HTRA3: variants seen among roughly 807,000 people sequenced by gnomAD.
HTRA3 encodes serine protease HTRA3.
In HTRA3, 41 loss-of-function variants were observed where a neutral mutation model predicts 43.2. That is an observed-to-expected ratio of 0.95 (90% CI 0.74 to 1.23). HTRA3 has a LOEUF of 1.23. Among genes scored for constraint, HTRA3 ranks in the 50% most tolerant of loss-of-function variants. The pLI is 0.00. For missense variants in HTRA3, 628 were observed against 647.1 expected, an observed-to-expected ratio of 0.97 and a Z score of 0.32; for synonymous variants, 295 against 287.9, an observed-to-expected ratio of 1.02 and a Z score of -0.25.
At position 8,295,823 on chromosome 4, in the gene HTRA3, G is replaced by A. The variant is rs1278535536; in HGVS notation, c.1051+1622G>A. On this transcript the variant is annotated intron_variant, in intron 6 of 8. Transcript: ENST00000307358. The surrounding 1 kb of genome is among the most constrained non-coding windows in gnomAD (Gnocchi z 6.9). ...GTGCCATGAGGGCTGGTCACATGAA[G>A]AGCTGCTGTTGAGGATGCCGCCATT... The A allele has an allele frequency of 8.0e-7, 1 of 1,242,850 alleles. No individual in the cohort carries two copies. Among genetic ancestry groups the A allele is most frequent in the Non-Finnish European group, 1.0e-6 (1 of 992,114 alleles). The allele number at this position is 1,242,850 out of a possible 1,614,324, so 77.0% of individuals were successfully genotyped here.
chr4:8,291,618 A>G, intron 4 of HTRA3, 54 bp downstream of exon 4: 1 of 1,347,542 alleles, frequency 7.4e-7, no homozygotes, highest in Non-Finnish European at 1.0e-6. Flanking sequence ...CCAAGACCTC[A>G]ACCTCGAGGT....
At chr4:8,272,641 C>A (rs1040581467) in intron 1 of HTRA3, among the ~76,000 whole-genome samples, 5 of 152,224 alleles carry the variant, frequency 3.3e-5, no homozygotes, top group African/African-American at 1.2e-4. Flanking sequence ...ATCTGTCTCA[C>A]CCAGCAAGGT....
chr4:8,300,379 A>G (rs1050637403), intron 6 of HTRA3, among the ~76,000 whole-genome samples: 15 of 152,034 alleles, frequency 9.9e-5, no homozygotes, highest in Non-Finnish European at 2.2e-4. Context: ...TTTTTTTTGT[A>G]GGAAGATTTT....
intron 6 of HTRA3, among the ~76,000 whole-genome samples, chr4:8,301,262 T>G (rs62286503): frequency 2.4e-5 from 3 of 123,224 alleles, no homozygotes; most frequent in South Asian, 2.9e-4. Context: ...GCTTTATTGA[T>G]TCACACTCAT....
rs1478378971 is a variant in HTRA3 at position 8,286,479 on chromosome 4, G to T, written c.486-82G>T. 1.8e-6 allele frequency: 2 copies of T among 1,125,498 alleles called. No homozygotes were observed. The highest frequency in any genetic ancestry group is 1.3e-6 in the Non-Finnish European group (1 of 751,060). The allele number at this position is 1,125,498 out of a possible 1,614,324, so 69.7% of individuals were successfully genotyped here. A position where few individuals can be genotyped will look rare whatever the true frequency, so the allele number is the denominator to read the frequency against. ...CAGCCACACACTGGCTCTGCTCCTCGCTGACCAGCCCCACCACTGCGCCTG... is the reference window on the plus strand; with the variant it reads ...CAGCCACACACTGGCTCTGCTCCTCTCTGACCAGCCCCACCACTGCGCCTG... On this transcript the variant is annotated intron_variant, in intron 2 of 8. Coordinates refer to ENST00000307358, the MANE Select transcript of HTRA3 (RefSeq NM_053044.5). This position sits in a 1 kb window ranked among gnomAD's most constrained non-coding sequence, Gnocchi z 4.9.
chr4:8,288,949 T>TCCCC (rs1560138887), intron 3 of HTRA3, among the ~76,000 whole-genome samples: 40 of 117,740 alleles, frequency 3.4e-4, no homozygotes, highest in African/African-American at 1.3e-3. Flanking sequence ...TTCCTCCCCC[T>TCCCC]CTCTCTCTCT....
rs1159295204 is a variant in HTRA3, at chr4:8,270,102, C to T, written c.134C>T (p.Pro45Leu). 4 of 1,539,914 alleles carry T rather than the reference C, an allele frequency of 2.6e-6. No individual in the cohort carries two copies. Among genetic ancestry groups the T allele is most frequent in the South Asian group, 2.4e-5 (2 of 85,004 alleles). ...PSPRCPGGYV[P>L]DLCNCCLVCA... ...CCCCGCTGCCCCGGCGGCTACGTGC[C>T]CGACCTCTGCAACTGCTGCCTGGTG... Residue 45 changes from proline to leucine, a missense_variant, in exon 1 of 9, where the codon CCC becomes CTC. Transcript: ENST00000307358.
Position 8,296,241 on chromosome 4 carries a change from T to G in HTRA3, c.1051+2040T>G. The G allele has an allele frequency of 1.0e-6, 1 of 985,700 alleles. No individual in the cohort carries two copies. The highest frequency in any genetic ancestry group is 1.2e-6 in the Non-Finnish European group (1 of 830,102). 61.1% of individuals were successfully genotyped at this position (985,700 alleles called of 1,614,324 possible). A position where few individuals can be genotyped will look rare whatever the true frequency, so the allele number is the denominator to read the frequency against. ...ACAGGATCCCCCTGGGGCCTAGGTT[T>G]GCTCCTTTGTTGTACAGGGGCTGTC... On this transcript the variant is annotated intron_variant, in intron 6 of 8. Coordinates refer to ENST00000307358, the MANE Select transcript of HTRA3 (RefSeq NM_053044.5). This position sits in a 1 kb window ranked among gnomAD's most constrained non-coding sequence, Gnocchi z 5.3.
At chr4:8,305,001 G>A (rs932572247) in intron 8 of HTRA3, among the ~76,000 whole-genome samples, 1 of 152,168 alleles carries the variant, frequency 6.6e-6, no homozygotes, top group South Asian at 2.1e-4. Flanking sequence ...TCCAGTACTA[G>A]AGAAATGTTA....
chr4:8,281,345 G>A (rs1004483194), intron 1 of HTRA3, among the ~76,000 whole-genome samples: 1 of 152,230 alleles, frequency 6.6e-6, no homozygotes, highest in Middle Eastern at 3.2e-3. Context: ...TATGGACTGA[G>A]CCCTCTTTGC....
chr4:8,306,348 C>T lies in HTRA3; in HGVS notation c.*212C>T. ...CACATCCCGGTGCCGGGGAGGGAAG[C>T]CCAACATCCCCTTGTACAGATGATC... On this transcript the variant is annotated 3_prime_UTR_variant, in exon 9 of 9. Transcript: ENST00000307358. The surrounding 1 kb of genome is among the most constrained non-coding windows in gnomAD (Gnocchi z 8.9). The T allele has an allele frequency of 1.8e-6, 1 of 550,922 alleles. No individual in the cohort carries two copies. Among genetic ancestry groups the T allele is most frequent in the East Asian group, 3.1e-5 (1 of 32,442 alleles). 34.1% of individuals were successfully genotyped at this position (550,922 alleles called of 1,614,324 possible).
At chr4:8,303,194 G>C (rs1479481054) in intron 7 of HTRA3, among the ~76,000 whole-genome samples, 1 of 152,196 alleles carries the variant, frequency 6.6e-6, no homozygotes, top group Non-Finnish European at 1.5e-5. Flanking sequence ...GTGGCAGAAG[G>C]TGCCTCCTCA....
At chr4:8,304,643 GTT>G (rs140790982) in intron 8 of HTRA3, among the ~76,000 whole-genome samples, 22,033 of 60,760 alleles carry the variant, frequency 0.36, 2,456 homozygotes, top group Middle Eastern at 0.45. Context: ...TCAGCCTATT[GTT>G]TTTTTTTTTT....
chr4:8,304,643 GTTTTTTTT>G (rs140790982), intron 8 of HTRA3, among the ~76,000 whole-genome samples: 13 of 62,734 alleles, frequency 2.1e-4, no homozygotes, highest in African/African-American at 8.9e-4. Flanking sequence ...TCAGCCTATT[GTTTTTTTT>G]TTTTTTTTTT....
chr4:8,304,118 G>T lies in HTRA3; in HGVS notation c.1101-66G>T, dbSNP rs1176637328. On this transcript the variant is annotated intron_variant, in intron 7 of 8. Coordinates refer to ENST00000307358, the MANE Select transcript of HTRA3 (RefSeq NM_053044.5). ...GGTCTGGTGCTGGAGGGAGGGAGGG[G>T]CAGCTTCATACCAAAGAGCTGGGCA... 5 of 1,322,634 alleles carry T rather than the reference G, an allele frequency of 3.8e-6. No homozygotes were observed. The Admixed American group carries it at 8.7e-5, about 23-fold the overall frequency. The allele number at this position is 1,322,634 out of a possible 1,614,324, so 81.9% of individuals were successfully genotyped here. A position where few individuals can be genotyped will look rare whatever the true frequency, so the allele number is the denominator to read the frequency against.
intron 3 of HTRA3, among the ~76,000 whole-genome samples, chr4:8,288,399 G>A (rs996997132): frequency 3.3e-5 from 5 of 150,826 alleles, no homozygotes; most frequent in Admixed American, 6.6e-5. Flanking sequence ...TCAGCCCCCC[G>A]AGTAGCTAGG....
Position 8,269,943 on chromosome 4 carries a change from T to G in HTRA3, c.-26T>G. ...CCGGCCCCCGCCCGGTCTCCCGCGC[T>G]GCCACCCGCCGCCGGCCCTGCCGCC... is the stretch of plus-strand genomic sequence containing the variant. On this transcript the variant is annotated 5_prime_UTR_variant, in exon 1 of 9. Coordinates refer to ENST00000307358, the MANE Select transcript of HTRA3 (RefSeq NM_053044.5). The G allele has an allele frequency of 9.4e-7, 1 of 1,062,968 alleles. No homozygotes were observed. The highest frequency in any genetic ancestry group is 7.1e-5 in the East Asian group (1 of 14,146). 65.8% of individuals were successfully genotyped at this position (1,062,968 alleles called of 1,614,324 possible). A position where few individuals can be genotyped will look rare whatever the true frequency, so the allele number is the denominator to read the frequency against.
At position 8,270,459 on chromosome 4, in the gene HTRA3, G is replaced by C. The variant is rs145883427; in HGVS notation, c.385+106G>C. The C allele has an allele frequency of 3.5e-4, 440 of 1,263,946 alleles. 4 individuals are homozygous for C. The African/African-American group carries it at 6.5e-3, about 19-fold the overall frequency. 78.3% of individuals were successfully genotyped at this position (1,263,946 alleles called of 1,614,324 possible). On this transcript the variant is annotated intron_variant, in intron 1 of 8. Transcript: ENST00000307358. Reference sequence around the variant, plus strand: ...GGTCGCCCTTCCCTGGGCACCACCGGGTGGCCCTTCAGAAATCATCCCACC... The same window carrying C: ...GGTCGCCCTTCCCTGGGCACCACCGCGTGGCCCTTCAGAAATCATCCCACC...
chr4:8,275,700 C>T (rs1325758246), intron 1 of HTRA3, among the ~76,000 whole-genome samples: 1 of 152,210 alleles, frequency 6.6e-6, no homozygotes, highest in African/African-American at 2.4e-5. Context: ...AGGGAGGCCA[C>T]CAGGTTTCAC....
Sources: allele counts gnomAD v4.1 joint callset (sites outside exome capture counted in the v4.1 genomes callset), GRCh38; gene constraint gnomAD v4.1.1; non-coding constraint Gnocchi (gnomAD v3.1); transcripts MANE v1.5; gene names NCBI Gene and HGNC (gene_info 2026-07-23, HGNC 2026-07-21).